The following FHOD3 variants were observed in gnomAD, a reference collection of about 807,000 sequenced individuals.
FHOD3 encodes FH1/FH2 domain-containing protein 3.
FHOD3 carries 90 observed loss-of-function variants against 173.0 expected under a neutral mutation model. That is an observed-to-expected ratio of 0.52 (90% CI 0.44 to 0.62). The LOEUF (loss-of-function observed/expected upper bound fraction) is 0.62. Ranked by LOEUF, FHOD3 falls within the 20% of genes least tolerant of loss-of-function variation. FHOD3 has a pLI of 0.00. For synonymous variants in FHOD3, 828 were observed against 823.0 expected (o/e 1.01, Z -0.10); for missense variants, 1,945 against 2,034.7 (o/e 0.96, Z 0.85).
At chr18:36,597,743 C>G (rs576479631) in intron 7 of FHOD3, among the ~76,000 whole-genome samples, 5 of 150,442 alleles carry the variant, frequency 3.3e-5, no homozygotes, top group African/African-American at 1.2e-4. Flanking sequence ...TAGTTTTTGT[C>G]TATACAATTT....
chr18:36,375,332 A>G (rs867020335), intron 3 of FHOD3, among the ~76,000 whole-genome samples: 21 of 152,316 alleles, frequency 1.4e-4, no homozygotes, highest in Admixed American at 7.2e-4. Context: ...AATAGTTGAA[A>G]TATTAATGCT....
intron 1 of FHOD3, among the ~76,000 whole-genome samples, chr18:36,301,227 A>T (rs759097369): frequency 6.6e-6 from 1 of 152,206 alleles, no homozygotes. Flanking sequence ...TTTGAACTGG[A>T]CAACCTGTCA....
intron 1 of FHOD3, among the ~76,000 whole-genome samples, chr18:36,313,137 C>T (rs2092295484): frequency 6.6e-6 from 1 of 152,166 alleles, no homozygotes; most frequent in South Asian, 2.1e-4. Context: ...GTGAGAGGTC[C>T]AGGTGGGTGC....
intron 28 of FHOD3, among the ~76,000 whole-genome samples, chr18:36,771,226 A>ACAT (rs2043363540): frequency 6.6e-6 from 1 of 152,100 alleles, no homozygotes; most frequent in Admixed American, 6.6e-5. Context: ...GCATTTAATG[A>ACAT]GATCCCCAGG....
chr18:36,336,749 T>C (rs1280712628), intron 1 of FHOD3, among the ~76,000 whole-genome samples: 1 of 138,170 alleles, frequency 7.2e-6, no homozygotes, highest in African/African-American at 2.7e-5. Context: ...CTTGGGAGGC[T>C]GAGGCAGGAG....
rs115656998 is a variant in FHOD3, at chr18:36,503,958, T to C, written c.405+1959T>C. 7.8e-3 allele frequency among the ~76,000 whole-genome samples: 1,186 copies of C among 152,320 alleles called. 17 individuals are homozygous for C. Among genetic ancestry groups the C allele is most frequent in the African/African-American group, 0.027 (1,137 of 41,566 alleles). ...TTGATTGATTGAGATGGAATCTCAC[T>C]CTGTCACCCAGGCTGGAGTTAAGTG... On this transcript the variant is annotated intron_variant, in intron 4 of 28. Coordinates refer to ENST00000590592, the MANE Select transcript of FHOD3 (RefSeq NM_001281740.3).
At chr18:36,771,885 C>CA (rs1352401530) in intron 28 of FHOD3, among the ~76,000 whole-genome samples, 1 of 152,250 alleles carries the variant, frequency 6.6e-6, no homozygotes, top group Non-Finnish European at 1.5e-5. Context: ...CAGGAGACAG[C>CA]ATGGGACATT....
At chr18:36,376,126 G>C (rs2047429555) in intron 3 of FHOD3, among the ~76,000 whole-genome samples, 1 of 152,132 alleles carries the variant, frequency 6.6e-6, no homozygotes, top group African/African-American at 2.4e-5. Flanking sequence ...TGTTCAGAGG[G>C]CCAACTGGCT....
intron 12 of FHOD3, among the ~76,000 whole-genome samples, 171 bp downstream of exon 12, chr18:36,653,100 C>T (rs1319808120): frequency 6.6e-6 from 1 of 152,264 alleles, no homozygotes; most frequent in African/African-American, 2.4e-5. Context: ...AAATAATGAC[C>T]AGTGTTTACA....
intron 6 of FHOD3, among the ~76,000 whole-genome samples, chr18:36,593,221 C>A (rs941535819): frequency 6.6e-6 from 1 of 152,130 alleles, no homozygotes; most frequent in Admixed American, 6.5e-5. Context: ...GGCCACTGGA[C>A]AAGTAATCCC....
At chr18:36,615,516 G>C (rs1346527309) in intron 9 of FHOD3, among the ~76,000 whole-genome samples, 1 of 152,120 alleles carries the variant, frequency 6.6e-6, no homozygotes, top group Non-Finnish European at 1.5e-5. Context: ...GGACATAGTA[G>C]TCTACATATA....
chr18:36,314,865 T>C (rs1320930650), intron 1 of FHOD3, among the ~76,000 whole-genome samples: 1 of 152,220 alleles, frequency 6.6e-6, no homozygotes, highest in Non-Finnish European at 1.5e-5. Context: ...GGGAGATCTA[T>C]GTGGTTCTCC....
intron 3 of FHOD3, among the ~76,000 whole-genome samples, chr18:36,467,423 C>G (rs1184243004): frequency 6.6e-6 from 1 of 152,168 alleles, no homozygotes; most frequent in Non-Finnish European, 1.5e-5. Context: ...GCCACATAGC[C>G]ATTAATACCA....
chr18:36,696,596 T>C (rs2039295302), intron 17 of FHOD3, among the ~76,000 whole-genome samples: 1 of 152,210 alleles, frequency 6.6e-6, no homozygotes. Flanking sequence ...AGCCAAAAGC[T>C]TCCCCAGGTT....
chr18:36,704,899 G>A (rs7231766), intron 17 of FHOD3, among the ~76,000 whole-genome samples: 79,507 of 152,040 alleles, frequency 0.52, 20,984 homozygotes, highest in South Asian at 0.57. Context: ...CAGAGTCTCA[G>A]TCCCTTACCC....
At chr18:36,758,638 A>T (rs2042733605) in intron 25 of FHOD3, among the ~76,000 whole-genome samples, 1 of 152,056 alleles carries the variant, frequency 6.6e-6, no homozygotes, top group Admixed American at 6.5e-5. Context: ...TGCGCTCGGG[A>T]TGGGATGGGA....
intron 5 of FHOD3, among the ~76,000 whole-genome samples, chr18:36,513,881 G>A (rs1032532664): frequency 1.3e-5 from 2 of 152,058 alleles, no homozygotes; most frequent in Non-Finnish European, 2.9e-5. Context: ...CCCATGGTGT[G>A]TGCAGCAGTG....
At chr18:36,779,417 C>T (rs999927889) in intron 28 of FHOD3, 31 bp from the exon 29 acceptor site, 2 of 1,607,636 alleles carry the variant, frequency 1.2e-6, no homozygotes, top group African/African-American at 1.3e-5. Flanking sequence ...TCTTCTCATC[C>T]CTTTGGGTGT....
intron 27 of FHOD3, among the ~76,000 whole-genome samples, chr18:36,762,510 G>A (rs1455843150): frequency 6.6e-6 from 1 of 152,074 alleles, no homozygotes; most frequent in Non-Finnish European, 1.5e-5. Context: ...TTAATATAGG[G>A]CATCAGCCGG....
Sources: gnomAD v4.1 joint callset for allele counts (sites outside exome capture counted in the v4.1 genomes callset) on GRCh38, gnomAD v4.1.1 for gene constraint, MANE v1.5 for transcripts, NCBI Gene and HGNC (gene_info 2026-07-23, HGNC 2026-07-21) for gene names.